SRGAP1: variants seen among roughly 807,000 people sequenced by gnomAD.
SRGAP1 encodes SLIT-ROBO Rho GTPase activating protein 1.
SRGAP1 carries 43 observed loss-of-function variants against 121.9 expected under a neutral mutation model. That is an observed-to-expected ratio of 0.35 (90% CI 0.28 to 0.46). The LOEUF (loss-of-function observed/expected upper bound fraction) is 0.46, where lower values mean the gene tolerates loss of function less well. SRGAP1 is among the 20% of genes least tolerant of loss of function. The pLI is 1.00. For synonymous variants in SRGAP1, 447 were observed against 485.4 expected, an observed-to-expected ratio of 0.92 and a Z score of 1.04; for missense variants, 1,102 against 1,350.9, an observed-to-expected ratio of 0.82 and a Z score of 2.89.
At chr12:64,097,193 G>A (rs2136594108) in intron 14 of SRGAP1, 48 bp from the exon 15 acceptor site, 2 of 1,542,398 alleles carry the variant, frequency 1.3e-6, no homozygotes, top group Non-Finnish European at 8.7e-7. Context: ...TTTTTGTTCA[G>A]AGAAAAAGAA....
chr12:63,922,097 G>A (rs183447394), intron 1 of SRGAP1, among the ~76,000 whole-genome samples: 1 of 151,776 alleles, frequency 6.6e-6, no homozygotes, highest in Non-Finnish European at 1.5e-5. Flanking sequence ...TCTTGCATCA[G>A]CCTCCCAAGT....
chr12:64,007,818 A>G lies in SRGAP1; in HGVS notation c.427-9132A>G, dbSNP rs149521014. 2.6e-3 allele frequency among the ~76,000 whole-genome samples: 403 copies of G among 152,284 alleles called. 3 individuals are homozygous for G. Among genetic ancestry groups the G allele is most frequent in the Middle Eastern group, 0.024 (7 of 294 alleles). On this transcript the variant is annotated intron_variant, in intron 3 of 21. Transcript: ENST00000355086. ...AATTCTGCTTTGTTGCAGTTTTGCA[A>G]TATTCTCTGGAAGGGACTTTATCTT...
intron 3 of SRGAP1, among the ~76,000 whole-genome samples, chr12:64,003,565 G>C (rs1248723331): frequency 6.7e-6 from 1 of 148,892 alleles, no homozygotes; most frequent in East Asian, 2.0e-4. Flanking sequence ...AAATTCATTA[G>C]ATAGACTCAA....
chr12:63,909,183 G>A (rs1334280027), intron 1 of SRGAP1, among the ~76,000 whole-genome samples: 2 of 152,078 alleles, frequency 1.3e-5, no homozygotes, highest in African/African-American at 2.4e-5. Context: ...CCACCACGCC[G>A]GGCCTACAAT....
intron 1 of SRGAP1, among the ~76,000 whole-genome samples, chr12:63,922,188 A>C (rs1446034627): frequency 6.6e-6 from 1 of 152,104 alleles, no homozygotes; most frequent in African/African-American, 2.4e-5. Context: ...CATATTGGCC[A>C]GGCTGGTCTT....
At chr12:63,917,706 C>T (rs1286837985) in intron 1 of SRGAP1, among the ~76,000 whole-genome samples, 3 of 151,110 alleles carry the variant, frequency 2.0e-5, no homozygotes, top group Non-Finnish European at 3.0e-5. Context: ...AATATGGTCT[C>T]TATTTCAGAA....
chr12:64,109,076 TTC>T (rs747206844), intron 16 of SRGAP1, 39 bp downstream of exon 16: 2 of 1,365,172 alleles, frequency 1.5e-6, no homozygotes, highest in South Asian at 1.6e-5. Context: ...CCCATCTGAA[TTC>T]TGTCTTTGTT....
At chr12:64,125,784 C>T (rs2036677671) in intron 18 of SRGAP1, among the ~76,000 whole-genome samples, 193 bp from the exon 19 acceptor site, 1 of 152,044 alleles carries the variant, frequency 6.6e-6, no homozygotes, top group Admixed American at 6.5e-5. Context: ...CTGATGACAG[C>T]AAGATAATGT....
Position 64,160,182 on chromosome 12 carries a change from G to A in SRGAP1, c.*17510G>A, listed in dbSNP as rs2037199189. Reference sequence around the variant, plus strand: ...GCATAGCTGAGAGCCTAAGATCTCTGGGGACTCACTCCACTTTTCTCTTGA... The same window carrying A: ...GCATAGCTGAGAGCCTAAGATCTCTAGGGACTCACTCCACTTTTCTCTTGA... On this transcript the variant is annotated 3_prime_UTR_variant, in exon 22 of 22. Coordinates refer to ENST00000355086, the MANE Select transcript of SRGAP1 (RefSeq NM_020762.4). 2.0e-5 allele frequency: 3 copies of A among 152,106 alleles called. No homozygotes were observed. Among genetic ancestry groups the A allele is most frequent in the Admixed American group, 2.0e-4 (3 of 15,254 alleles). The allele number at this position is 152,106 out of a possible 1,614,324, so 9.4% of individuals were successfully genotyped here.
chr12:64,141,136 A>G (rs789739), intron 21 of SRGAP1, among the ~76,000 whole-genome samples: 75,382 of 138,070 alleles, frequency 0.55, 21,546 homozygotes, highest in African/African-American at 0.66. Context: ...GTGGGTGGAG[A>G]GGGGAGGGAT....
chr12:64,066,026 C>T (rs2035533701), intron 8 of SRGAP1, among the ~76,000 whole-genome samples: 1 of 124,792 alleles, frequency 8.0e-6, no homozygotes, highest in Non-Finnish European at 2.0e-5. Flanking sequence ...AAGATACAAA[C>T]CACAAATGTT....
intron 1 of SRGAP1, among the ~76,000 whole-genome samples, chr12:63,879,767 C>T (rs1900134471): frequency 1.3e-5 from 2 of 152,074 alleles, no homozygotes; most frequent in African/African-American, 2.4e-5. Context: ...AAGTAGTTAC[C>T]AACTGTAAGT....
At position 64,039,367 on chromosome 12, in the gene SRGAP1, G is replaced by A. The variant is rs982653907; in HGVS notation, c.490-3423G>A. On this transcript the variant is annotated intron_variant, in intron 4 of 21. Coordinates refer to ENST00000355086, the MANE Select transcript of SRGAP1 (RefSeq NM_020762.4). ...TTTTCCTTTTAACCCACACTAGTCA[G>A]TAAGGAACACCCTGCTGGCAGTCAG... Among the ~76,000 whole-genome samples the A allele has an allele frequency of 4.6e-5, 7 of 152,286 alleles. No homozygotes were observed. In the East Asian group the frequency reaches 9.6e-4, roughly 21 times the overall value.
At chr12:64,104,480 T>G (rs541382249) in intron 15 of SRGAP1, among the ~76,000 whole-genome samples, 2 of 152,312 alleles carry the variant, frequency 1.3e-5, no homozygotes, top group South Asian at 4.1e-4. Context: ...AGCATGAAAT[T>G]GTGAAATTTG....
intron 11 of SRGAP1, among the ~76,000 whole-genome samples, chr12:64,088,732 C>T (rs145395209): frequency 8.6e-4 from 131 of 152,214 alleles, no homozygotes; most frequent in African/African-American, 2.7e-3. Flanking sequence ...TCATATTTAC[C>T]GTACTATAGA....
chr12:64,072,851 G>A (rs550244184), intron 8 of SRGAP1, among the ~76,000 whole-genome samples: 1 of 152,246 alleles, frequency 6.6e-6, no homozygotes, highest in Non-Finnish European at 1.5e-5. Flanking sequence ...GTAACACAAA[G>A]GCAACAAAGC....
At chr12:64,040,652 G>A (rs541002471) in intron 4 of SRGAP1, among the ~76,000 whole-genome samples, 1 of 152,254 alleles carries the variant, frequency 6.6e-6, no homozygotes, top group Admixed American at 6.5e-5. Context: ...TAAAATCTGT[G>A]ACTCTGAAAT....
chr12:63,938,402 G>A (rs964001949), intron 1 of SRGAP1, among the ~76,000 whole-genome samples: 13 of 152,234 alleles, frequency 8.5e-5, no homozygotes, highest in Middle Eastern at 3.4e-3. Flanking sequence ...GGTTGTGCTC[G>A]CCTGTCACCT....
chr12:63,861,304 T>TATATA (rs201402664), intron 1 of SRGAP1, among the ~76,000 whole-genome samples: 17 of 105,786 alleles, frequency 1.6e-4, no homozygotes, highest in East Asian at 6.0e-4. Flanking sequence ...ATATATATAT[T>TATATA]TTTTTTTTTT....
Sources: gnomAD v4.1 joint callset for allele counts (sites outside exome capture counted in the v4.1 genomes callset) on GRCh38, gnomAD v4.1.1 for gene constraint, MANE v1.5 for transcripts, NCBI Gene and HGNC (gene_info 2026-07-23, HGNC 2026-07-21) for gene names.